NHLRC2: variants seen among roughly 807,000 people sequenced by gnomAD.
NHLRC2 encodes NHL repeat-containing protein 2.
In NHLRC2, 33 loss-of-function variants were observed where a neutral mutation model predicts 68.1. The observed-to-expected ratio is 0.48, with a 90% confidence interval of 0.37 to 0.65. The LOEUF is 0.65. Ranked by LOEUF, NHLRC2 falls within the 30% of genes least tolerant of loss-of-function variation. The pLI is 0.00. For missense variants in NHLRC2, 761 were observed against 853.8 expected, an observed-to-expected ratio of 0.89 and a Z score of 1.35; for synonymous variants, 311 against 309.6, an observed-to-expected ratio of 1.00 and a Z score of -0.05.
chr10:113,906,173 T>C (rs1434208845), intron 10 of NHLRC2, among the ~76,000 whole-genome samples: 1 of 152,226 alleles, frequency 6.6e-6, no homozygotes, highest in Non-Finnish European at 1.5e-5. Context: ...ATGGTGTCAC[T>C]GTAGGAGCAG....
At chr10:113,868,379 A>G (rs1226407690) in intron 2 of NHLRC2, among the ~76,000 whole-genome samples, 1 of 152,168 alleles carries the variant, frequency 6.6e-6, no homozygotes, top group Admixed American at 6.5e-5. Flanking sequence ...AATCTTTTAC[A>G]TCCGCTTTTC....
intron 3 of NHLRC2, 29 bp downstream of exon 3, chr10:113,877,005 A>C: frequency 7.6e-7 from 1 of 1,322,986 alleles, no homozygotes; most frequent in Non-Finnish European, 1.0e-6. Context: ...TACGATAGAT[A>C]ACGTGTTTTA....
rs1331652658 is a variant in NHLRC2 at position 113,912,988 on chromosome 10, A to G, written c.*4452A>G. On this transcript the variant is annotated 3_prime_UTR_variant, in exon 11 of 11. Coordinates refer to ENST00000369301, the MANE Select transcript of NHLRC2 (RefSeq NM_198514.4). The stretch of plus-strand genomic sequence containing the variant: ...TCACATAAAATAACAAGAATAATAG[A>G]TATTTATTGAGTAGATATTTATTGA... The G allele has an allele frequency of 6.6e-6, 1 of 152,162 alleles. No individual in the cohort carries two copies. The highest frequency in any genetic ancestry group is 1.5e-5 in the Non-Finnish European group (1 of 68,028). The allele number at this position is 152,162 out of a possible 1,614,324, so 9.4% of individuals were successfully genotyped here. A position where few individuals can be genotyped will look rare whatever the true frequency, so the allele number is the denominator to read the frequency against.
chr10:113,882,446 A>G (rs1230955872), intron 4 of NHLRC2, among the ~76,000 whole-genome samples: 2 of 151,784 alleles, frequency 1.3e-5, no homozygotes, highest in African/African-American at 4.8e-5. Flanking sequence ...CATTTCCCTT[A>G]TGACTAATGA....
chr10:113,902,027 A>G (rs1158697163), intron 7 of NHLRC2, 130 bp downstream of exon 7: 9 of 649,594 alleles, frequency 1.4e-5, no homozygotes, highest in Non-Finnish European at 2.4e-5. Flanking sequence ...TGAAAGTCAG[A>G]CCAAAGGAAA....
chr10:113,898,291 T>TG, intron 6 of NHLRC2, 82 bp downstream of exon 6: 10 of 858,178 alleles, frequency 1.2e-5, no homozygotes, highest in Non-Finnish European at 1.7e-5. Flanking sequence ...CCATCCTCAC[T>TG]GTACCAGTCA....
At chr10:113,906,174 G>T (rs1846273490) in intron 10 of NHLRC2, among the ~76,000 whole-genome samples, 1 of 152,214 alleles carries the variant, frequency 6.6e-6, no homozygotes, top group Non-Finnish European at 1.5e-5. Context: ...TGGTGTCACT[G>T]TAGGAGCAGT....
intron 5 of NHLRC2, among the ~76,000 whole-genome samples, chr10:113,887,630 G>C (rs150355261): frequency 2.0e-5 from 3 of 152,202 alleles, no homozygotes; most frequent in Admixed American, 1.3e-4. Flanking sequence ...TTAGCTGGGC[G>C]TGATAGTAGA....
At chr10:113,883,401 G>A (rs867729873) in intron 4 of NHLRC2, among the ~76,000 whole-genome samples, 1 of 151,848 alleles carries the variant, frequency 6.6e-6, no homozygotes, top group Non-Finnish European at 1.5e-5. Flanking sequence ...AATATTTGCT[G>A]TAGCTTTGAG....
chr10:113,880,581 C>T (rs990424229), intron 4 of NHLRC2, among the ~76,000 whole-genome samples: 1 of 151,782 alleles, frequency 6.6e-6, no homozygotes, highest in African/African-American at 2.4e-5. Flanking sequence ...CTGTTTCTTT[C>T]AGTATTGACA....
At chr10:113,880,658 TATA>T (rs1309712678) in intron 4 of NHLRC2, among the ~76,000 whole-genome samples, 8 of 151,902 alleles carry the variant, frequency 5.3e-5, no homozygotes, top group African/African-American at 1.9e-4. Context: ...ACATATAATA[TATA>T]ATAATATCCA....
chr10:113,905,667 A>C (rs1372215168), intron 10 of NHLRC2, among the ~76,000 whole-genome samples: 1 of 151,992 alleles, frequency 6.6e-6, no homozygotes, highest in Admixed American at 6.6e-5. Context: ...GCTCTTTCAC[A>C]CTTTCTCACT....
rs752111952 is a variant in NHLRC2, at chr10:113,904,992, A to C, written c.1880A>C (p.Lys627Thr). Residue 627 changes from lysine to threonine, a missense_variant, in exon 10 of 11, where the codon AAG becomes ACG. Physicochemically the swap from Lys to Thr is moderately conservative, Grantham distance 78 (BLOSUM62 -1). Transcript: ENST00000369301. ...AGATTAGACCTCCCATCAGGATCAA[A>C]GCTAACTGAAGGAGTATCCAGTTGC... The part of the protein sequence containing the change: ...KLRLDLPSGS[K>T]LTEGVSSCWF... 1.9e-6 allele frequency: 3 copies of C among 1,549,532 alleles called. No individual in the cohort carries two copies.
At position 113,890,855 on chromosome 10, in the gene NHLRC2, G is replaced by T. The variant is rs115552069; in HGVS notation, c.1039+6475G>T. 5.5e-3 allele frequency among the ~76,000 whole-genome samples: 831 copies of T among 152,240 alleles called. 8 individuals are homozygous for T. The highest frequency in any genetic ancestry group is 0.018 in the African/African-American group (751 of 41,538). On this transcript the variant is annotated intron_variant, in intron 5 of 10. Coordinates refer to ENST00000369301, the MANE Select transcript of NHLRC2 (RefSeq NM_198514.4). ...GTTTAATTAACTCACAGTTCCACAT[G>T]GCTGGGGAGGCCTCAGGAAACTTGA...
intron 6 of NHLRC2, 85 bp downstream of exon 6, chr10:113,898,294 AC>A: frequency 1.5e-5 from 12 of 821,020 alleles, no homozygotes; most frequent in Non-Finnish European, 2.2e-5. Context: ...TCCTCACTGT[AC>A]CAGTCAGGAT....
At chr10:113,891,377 G>A (rs1846129748) in intron 5 of NHLRC2, among the ~76,000 whole-genome samples, 1 of 152,086 alleles carries the variant, frequency 6.6e-6, no homozygotes, top group Non-Finnish European at 1.5e-5. Flanking sequence ...TCGGAAGCGG[G>A]TAATGTTTTT....
Position 113,911,499 on chromosome 10 carries a change from ATATT to A in NHLRC2, c.*2967_*2970del. On this transcript the variant is annotated 3_prime_UTR_variant, in exon 11 of 11. Coordinates refer to ENST00000369301, the MANE Select transcript of NHLRC2 (RefSeq NM_198514.4). The stretch of plus-strand genomic sequence containing the variant: ...CCAGAAAAAAAAATTTACTATGTGT[ATATT>A]TATATAGGTGTGTGTATACACAAAG... 6.6e-6 allele frequency: 1 copy of A among 152,136 alleles called. No individual in the cohort carries two copies. Among genetic ancestry groups the A allele is most frequent in the Non-Finnish European group, 1.5e-5 (1 of 67,980 alleles). The allele number at this position is 152,136 out of a possible 1,614,324, so 9.4% of individuals were successfully genotyped here.
At chr10:113,887,783 A>G (rs1365691408) in intron 5 of NHLRC2, among the ~76,000 whole-genome samples, 2 of 152,208 alleles carry the variant, frequency 1.3e-5, no homozygotes, top group Non-Finnish European at 2.9e-5. Context: ...AAAAAAACAA[A>G]AAGAAAATGT....
Position 113,854,965 on chromosome 10 carries a change from G to A in NHLRC2, c.93G>A (p.Gln31=). The A allele has an allele frequency of 1.9e-6, 3 of 1,553,944 alleles. No individual in the cohort carries two copies. The highest frequency in any genetic ancestry group is 1.4e-5 in the African/African-American group (1 of 73,306). The change falls in exon 1 of 11, where the codon CAG becomes CAA. Residue 31 remains glutamine (Q), a synonymous_variant. Transcript: ENST00000369301. The stretch of plus-strand genomic sequence containing the variant: ...ACGCCCTGCTCGACGCCGTTACCCA[G>A]CAGGAGAAGGACAGCCTGGTCTACC... The part of the protein sequence containing the change: ...LEYALLDAVT[Q]QEKDSLVYQY...
Sources: gnomAD v4.1 joint callset for allele counts (sites outside exome capture counted in the v4.1 genomes callset) on GRCh38, gnomAD v4.1.1 for gene constraint, MANE v1.5 for transcripts, NCBI Gene and HGNC (gene_info 2026-07-23, HGNC 2026-07-21) for gene names.